The following ATP10A variants were observed in gnomAD, a reference collection of about 807,000 sequenced individuals.
ATP10A encodes phospholipid-transporting ATPase VA.
A neutral mutation model predicts 147.8 loss-of-function variants in ATP10A; 111 were observed. That is an observed-to-expected ratio of 0.75 (90% CI 0.64 to 0.88). The LOEUF (loss-of-function observed/expected upper bound fraction) is 0.88, where lower values mean the gene tolerates loss of function less well. ATP10A is among the 40% of genes least tolerant of loss of function. The probability of loss-of-function intolerance (pLI) is 0.00; values close to 1 mark genes in which losing one functional copy is unlikely to be tolerated. For missense variants in ATP10A, 1,927 were observed against 1,959.0 expected, an observed-to-expected ratio of 0.98 and a Z score of 0.31; for synonymous variants, 875 against 841.6, an observed-to-expected ratio of 1.04 and a Z score of -0.69.
chr15:25,838,051 T>G (rs1269820646), intron 1 of ATP10A, among the ~76,000 whole-genome samples: 1 of 152,236 alleles, frequency 6.6e-6, no homozygotes, highest in African/African-American at 2.4e-5. Flanking sequence ...AACTAGGGCA[T>G]CCTGGGATTT....
At chr15:25,836,508 G>A (rs1892601958) in intron 1 of ATP10A, among the ~76,000 whole-genome samples, 1 of 152,190 alleles carries the variant, frequency 6.6e-6, no homozygotes, top group African/African-American at 2.4e-5. Context: ...ACCAAAGCCA[G>A]GCAATCACGC....
intron 2 of ATP10A, among the ~76,000 whole-genome samples, chr15:25,749,948 AATC>A (rs1888060393): frequency 6.6e-6 from 1 of 152,184 alleles, no homozygotes; most frequent in Admixed American, 6.5e-5. Context: ...GAGAAAAAAG[AATC>A]AAAAGAGAGG....
In ATP10A at chr15:25,680,837, G is replaced by A. The variant is rs757559883; in HGVS notation, c.3651C>T (p.Leu1217=). The A allele has an allele frequency of 1.2e-6, 2 of 1,613,752 alleles. No individual in the cohort carries two copies. The highest frequency in any genetic ancestry group is 1.3e-5 in the African/African-American group (1 of 75,010). ...AGGTTTTGGTTTCAATGCCCAGGTG[G>A]AGCAGGAAAGTGAGCAGCGCGATTG... The part of the protein sequence containing the change: ...IVTIALLTFL[L]HLGIETKTWT... Residue 1217 remains leucine, a synonymous_variant, in exon 19 of 21, where the codon CTC becomes CTT. Coordinates refer to ENST00000555815, the MANE Select transcript of ATP10A (RefSeq NM_024490.4).
chr15:25,817,935 A>G (rs117511106), intron 1 of ATP10A, among the ~76,000 whole-genome samples: 1,990 of 152,322 alleles, frequency 0.013, 19 homozygotes, highest in Middle Eastern at 0.031. Context: ...AGTTGTATTC[A>G]TTTTTGGTTT....
intron 1 of ATP10A, among the ~76,000 whole-genome samples, chr15:25,817,830 T>A (rs891324667): frequency 6.6e-6 from 1 of 152,210 alleles, no homozygotes; most frequent in African/African-American, 2.4e-5. Context: ...CTTGTGAAGA[T>A]GAAACGGTTT....
chr15:25,862,160 A>G lies in ATP10A; in HGVS notation c.449+488T>C, dbSNP rs945766725. The G allele has an allele frequency of 1.4e-5, 6 of 424,598 alleles. No individual in the cohort carries two copies. The East Asian group carries it at 4.4e-4, about 31-fold the overall frequency. 26.3% of individuals were successfully genotyped at this position (424,598 alleles called of 1,614,324 possible). On this transcript the variant is annotated intron_variant, in intron 1 of 20. Transcript: ENST00000555815. ...GTACCTGGGCCGTGCCAGACATATC[A>G]GCACTTGGCGGCAGTTTCACTTTGC...
intron 2 of ATP10A, among the ~76,000 whole-genome samples, chr15:25,751,216 G>A (rs1041542715): frequency 3.9e-5 from 6 of 152,066 alleles, no homozygotes; most frequent in African/African-American, 1.2e-4. Context: ...AATATTGCCA[G>A]GGATTTATAA....
At chr15:25,797,396 A>G (rs962068433) in intron 1 of ATP10A, among the ~76,000 whole-genome samples, 2 of 152,198 alleles carry the variant, frequency 1.3e-5, no homozygotes, top group Admixed American at 1.3e-4. Flanking sequence ...CCTCAGAGAG[A>G]GTCCCCTGAG....
intron 12 of ATP10A, among the ~76,000 whole-genome samples, chr15:25,704,707 C>T (rs1183541379): frequency 1.3e-5 from 2 of 152,214 alleles, no homozygotes; most frequent in Non-Finnish European, 2.9e-5. Context: ...CGGCATGAAA[C>T]ATGGCAGAGG....
At chr15:25,755,353 C>T (rs1267090462) in intron 2 of ATP10A, among the ~76,000 whole-genome samples, 1 of 152,150 alleles carries the variant, frequency 6.6e-6, no homozygotes, top group Non-Finnish European at 1.5e-5. Context: ...ATGAAAGGGG[C>T]ACACTGCTAT....
In ATP10A at chr15:25,757,664, T is replaced by G. The variant is rs948527835; in HGVS notation, c.655-21523A>C. ...AAAAAATTAAAAAGTTGAAAAAGAG[T>G]AATTTCTTTCTTTTGCATGAGAGAT... On this transcript the variant is annotated intron_variant, in intron 2 of 20. Transcript: ENST00000555815. 2.0e-5 allele frequency among the ~76,000 whole-genome samples: 3 copies of G among 152,088 alleles called. No homozygotes were observed. In the South Asian group the frequency reaches 6.2e-4, roughly 32 times the overall value.
chr15:25,677,069 A>G (rs2140263532), downstream of ATP10A, among the ~76,000 whole-genome samples: 1 of 152,178 alleles, frequency 6.6e-6, no homozygotes, highest in Non-Finnish European at 1.5e-5. Flanking sequence ...GAGAACTTAG[A>G]ATTAATTGAT....
At chr15:25,775,606 G>A (rs1889566107) in intron 2 of ATP10A, among the ~76,000 whole-genome samples, 1 of 152,210 alleles carries the variant, frequency 6.6e-6, no homozygotes, top group Admixed American at 6.5e-5. Context: ...GTGCACACAT[G>A]TGCACACGCC....
At chr15:25,715,469 T>G (rs1901740810) in intron 9 of ATP10A, among the ~76,000 whole-genome samples, 1 of 152,252 alleles carries the variant, frequency 6.6e-6, no homozygotes, top group South Asian at 2.1e-4. Flanking sequence ...TCAATGACGC[T>G]GCCATCTCTC....
At chr15:25,685,825 A>T (rs142818585) in intron 16 of ATP10A, among the ~76,000 whole-genome samples, 1 of 41,458 alleles carries the variant, frequency 2.4e-5, no homozygotes, top group South Asian at 9.2e-4. Flanking sequence ...CCCTGTCTTT[A>T]AAAAAAAAAA....
At chr15:25,749,721 T>A (rs1888047478) in intron 2 of ATP10A, among the ~76,000 whole-genome samples, 1 of 152,154 alleles carries the variant, frequency 6.6e-6, no homozygotes, top group Non-Finnish European at 1.5e-5. Flanking sequence ...GAAAATGACA[T>A]TAAAGCAGTA....
chr15:25,864,061 C>T (rs1349585624), upstream of ATP10A, among the ~76,000 whole-genome samples: 1 of 150,958 alleles, frequency 6.6e-6, no homozygotes, highest in Non-Finnish European at 1.5e-5. Context: ...CCGAAACGCT[C>T]CTTGTGCGCT....
rs778882624 is a variant in ATP10A, at chr15:25,716,970, C to T, written c.1582-46G>A. The T allele has an allele frequency of 4.3e-5, 63 of 1,455,086 alleles. No homozygotes were observed. In the East Asian group the frequency reaches 7.4e-4, roughly 17 times the overall value. 90.1% of individuals were successfully genotyped at this position (1,455,086 alleles called of 1,614,324 possible). ...CAGTGAGTCCCACCCAGTAGCCTGC[C>T]GAGGATCTTGGGGCGTGACTATTTA... On this transcript the variant is annotated intron_variant, in intron 8 of 20. Coordinates refer to ENST00000555815, the MANE Select transcript of ATP10A (RefSeq NM_024490.4).
rs905791649 is a variant in ATP10A, at chr15:25,739,231, G to A, written c.655-3090C>T. Among the ~76,000 whole-genome samples, 7 of 152,152 alleles carry A rather than the reference G, an allele frequency of 4.6e-5. No homozygotes were observed. In the East Asian group the frequency reaches 7.7e-4, roughly 17 times the overall value. On this transcript the variant is annotated intron_variant, in intron 2 of 20. Transcript: ENST00000555815. ...ATTACAGGCGTGAGCCACTGCACTC[G>A]GCCTTAATTGCTTTTTAAAGTTCTA...
Sources: allele counts gnomAD v4.1 joint callset (sites outside exome capture counted in the v4.1 genomes callset), GRCh38; gene constraint gnomAD v4.1.1; transcripts MANE v1.5; gene names NCBI Gene and HGNC (gene_info 2026-07-23, HGNC 2026-07-21).